MTA3: variants seen among roughly 807,000 people sequenced by gnomAD.
MTA3 encodes metastasis-associated protein MTA3.
A neutral mutation model predicts 83.5 loss-of-function variants in MTA3; 34 were observed. The observed-to-expected ratio is 0.41, with a 90% CI of 0.31 to 0.54. The LOEUF (loss-of-function observed/expected upper bound fraction) is 0.54, where lower values mean the gene tolerates loss of function less well. MTA3 is among the 20% of genes least tolerant of loss of function. The probability of loss-of-function intolerance (pLI) is 0.33; values close to 1 mark genes in which losing one functional copy is unlikely to be tolerated. For missense variants in MTA3, 761 were observed against 726.4 expected (o/e 1.05, Z -0.55); for synonymous variants, 303 against 252.7 (o/e 1.20, Z -1.89).
chr2:42,755,630 C>T lies in MTA3; in HGVS notation c.*2231C>T, dbSNP rs530595071. Reference sequence around the variant, plus strand: ...GCCCCCTCGTTCTGACAGAATCCCCCAGGCAATGGAGGAAGGGTGCCGAGG... The same window carrying T: ...GCCCCCTCGTTCTGACAGAATCCCCTAGGCAATGGAGGAAGGGTGCCGAGG... On this transcript the variant is annotated 3_prime_UTR_variant, in exon 17 of 17. Coordinates refer to ENST00000405094, the MANE Select transcript of MTA3 (RefSeq NM_001330442.2). The T allele has an allele frequency of 1.9e-3, 1,824 of 985,628 alleles. 8 individuals are homozygous for T. The highest frequency in any genetic ancestry group is 0.011 in the South Asian group (234 of 21,294). The allele number at this position is 985,628 out of a possible 1,614,324, so 61.1% of individuals were successfully genotyped here.
intron 9 of MTA3, among the ~76,000 whole-genome samples, chr2:42,687,600 T>C (rs1205980452): frequency 6.6e-6 from 1 of 152,224 alleles, no homozygotes; most frequent in Non-Finnish European, 1.5e-5. Context: ...TCTTACATGA[T>C]AACTATATGT....
intron 4 of MTA3, among the ~76,000 whole-genome samples, chr2:42,620,893 A>G (rs982274356): frequency 1.3e-5 from 2 of 152,196 alleles, no homozygotes; most frequent in South Asian, 4.1e-4. Context: ...ACTGAAAGCT[A>G]AACTATGTTT....
At position 42,719,069 on chromosome 2, in the gene MTA3, A is replaced by G. The variant is rs1257854836; in HGVS notation, c.1607A>G (p.Tyr536Cys). Reference protein sequence around the residue: ...TRKPLACIIGYLEIHPAKKPN... With the variant: ...TRKPLACIIGCLEIHPAKKPN... ...AAGCCTTTGGCATGTATCATTGGGT[A>G]TTTAGGTGGGTATTTTCTAATAGAG... is the stretch of plus-strand genomic sequence containing the variant. Residue 536 changes from tyrosine (Y) to cysteine (C), a missense_variant, in exon 15 of 17, where the codon TAT (tyrosine) becomes TGT (cysteine). By Grantham distance (194) the Tyr-to-Cys change is radical. Transcript: ENST00000405094. 1.3e-6 allele frequency: 2 copies of G among 1,547,690 alleles called. No homozygotes were observed. The highest frequency in any genetic ancestry group is 1.7e-6 in the Non-Finnish European group (2 of 1,144,520).
chr2:42,730,327 G>A (rs1370035336), intron 16 of MTA3, among the ~76,000 whole-genome samples: 1 of 152,102 alleles, frequency 6.6e-6, no homozygotes, highest in African/African-American at 2.4e-5. Flanking sequence ...GCTTTTCCCT[G>A]TTCAGTATGA....
At chr2:42,745,444 C>A (rs1232087783) in intron 16 of MTA3, among the ~76,000 whole-genome samples, 2 of 152,224 alleles carry the variant, frequency 1.3e-5, no homozygotes, top group Non-Finnish European at 2.9e-5. Context: ...ACCTCCTGGA[C>A]TGGCCCTCTG....
chr2:42,623,914 A>AC (rs576163414), intron 4 of MTA3, among the ~76,000 whole-genome samples: 119 of 151,150 alleles, frequency 7.9e-4, no homozygotes, highest in African/African-American at 2.6e-3. Context: ...CTGGTCTCGA[A>AC]CTCCTGACCT....
At chr2:42,626,703 A>T (rs1439567446) in intron 4 of MTA3, among the ~76,000 whole-genome samples, 2 of 152,120 alleles carry the variant, frequency 1.3e-5, no homozygotes, top group Non-Finnish European at 2.9e-5. Flanking sequence ...TATCCTGGAT[A>T]GGTCAGTTCC....
At chr2:42,745,846 GCT>G (rs1004892417) in intron 16 of MTA3, among the ~76,000 whole-genome samples, 5 of 46,244 alleles carry the variant, frequency 1.1e-4, no homozygotes, top group African/African-American at 4.7e-4. Flanking sequence ...ACAGAGTCTC[GCT>G]CTGTCACCAG....
At chr2:42,602,388 T>C (rs1384636387) in intron 3 of MTA3, among the ~76,000 whole-genome samples, 6 of 152,228 alleles carry the variant, frequency 3.9e-5, no homozygotes, top group Non-Finnish European at 7.3e-5. Context: ...ACTTATGCTC[T>C]CATTTCTCTT....
Position 42,591,634 on chromosome 2 carries a change from T to TTTTTC in MTA3, c.190+12438_190+12439insCTTTT, listed in dbSNP as rs57722026. The stretch of plus-strand genomic sequence containing the variant: ...ATCCTTATTCTATAAGCTTTTTTTC[T>TTTTTC]TTTTATTTTATTTATTTTTTATTTT... On this transcript the variant is annotated intron_variant, in intron 3 of 16. Transcript: ENST00000405094. 7.4e-3 allele frequency among the ~76,000 whole-genome samples: 1,109 copies of TTTTTC among 150,202 alleles called. 16 individuals carry two copies. The highest frequency in any genetic ancestry group is 0.026 in the African/African-American group (1,051 of 41,164).
intron 14 of MTA3, among the ~76,000 whole-genome samples, chr2:42,718,778 C>G (rs542406065): frequency 5.8e-4 from 89 of 152,158 alleles, no homozygotes; most frequent in African/African-American, 2.1e-3. Flanking sequence ...AATACTACTA[C>G]TAATAATTAC....
At chr2:42,532,051 C>T (rs955780557) in intron 2 of MTA3, among the ~76,000 whole-genome samples, 6 of 152,238 alleles carry the variant, frequency 3.9e-5, no homozygotes, top group South Asian at 2.1e-4. Context: ...CCACCACGCC[C>T]GACCAAAATC....
At chr2:42,534,990 A>G (rs556746798) in intron 2 of MTA3, among the ~76,000 whole-genome samples, 1 of 152,246 alleles carries the variant, frequency 6.6e-6, no homozygotes, top group South Asian at 2.1e-4. Context: ...GACAAACAAG[A>G]TTGAAGGAAT....
intron 7 of MTA3, 52 bp from the exon 8 acceptor site, chr2:42,659,711 C>A (rs1689491602): frequency 2.2e-6 from 3 of 1,335,930 alleles, no homozygotes; most frequent in Non-Finnish European, 9.8e-7. Context: ...GTTAAAAAAA[C>A]AAACCAAAAC....
intron 2 of MTA3, among the ~76,000 whole-genome samples, chr2:42,521,600 A>G (rs1218037434): frequency 6.6e-6 from 1 of 152,144 alleles, no homozygotes; most frequent in Non-Finnish European, 1.5e-5. Flanking sequence ...ACACAGGGCC[A>G]TGGACCCGGG....
intron 8 of MTA3, among the ~76,000 whole-genome samples, chr2:42,666,963 G>T (rs1222666713): frequency 6.6e-6 from 1 of 152,198 alleles, no homozygotes; most frequent in Non-Finnish European, 1.5e-5. Flanking sequence ...TAAGAGTGAT[G>T]TGTATATGTG....
intron 9 of MTA3, among the ~76,000 whole-genome samples, chr2:42,690,403 T>G (rs892731500): frequency 1.3e-5 from 2 of 152,130 alleles, no homozygotes; most frequent in East Asian, 3.8e-4. Flanking sequence ...TCCTATGATG[T>G]GATGTTTCTT....
intron 13 of MTA3, 98 bp from the exon 14 acceptor site, chr2:42,708,776 G>A: frequency 1.6e-6 from 2 of 1,253,016 alleles, no homozygotes; most frequent in Non-Finnish European, 2.3e-6. Flanking sequence ...CTTCATGAAA[G>A]ATTTAAAAGT....
At chr2:42,586,522 AAAG>A in intron 3 of MTA3, among the ~76,000 whole-genome samples, 1 of 136,156 alleles carries the variant, frequency 7.3e-6, no homozygotes, top group African/African-American at 2.7e-5. Flanking sequence ...ACAAACACAC[AAAG>A]GAAGGAAAAA....
Sources: allele counts gnomAD v4.1 joint callset (sites outside exome capture counted in the v4.1 genomes callset), GRCh38; gene constraint gnomAD v4.1.1; transcripts MANE v1.5; gene names NCBI Gene and HGNC (gene_info 2026-07-23, HGNC 2026-07-21).